The following DMD variants were observed in gnomAD, a reference collection of about 807,000 sequenced individuals.
DMD encodes dystrophin, also known as mutant dystrophin.
In DMD, 63 loss-of-function variants were observed where a neutral mutation model predicts 330.1. The observed-to-expected ratio is 0.19, with a 90% CI of 0.16 to 0.24. DMD has a LOEUF of 0.24. Among genes scored for constraint, DMD ranks in the 10% least tolerant of loss-of-function variants. The pLI is 1.00. For synonymous variants in DMD, 1,223 were observed against 959.8 expected (o/e 1.27, Z -5.07); for missense variants, 3,344 against 2,684.1 (o/e 1.25, Z -5.43).
intron 13 of DMD, among the ~76,000 whole-genome samples, chrX:32,585,729 A>G (rs1399272769): frequency 5.4e-5 from 5 of 92,610 alleles, no homozygotes; most frequent in Non-Finnish European, 8.6e-5. Context: ...AAAAAAAAAA[A>G]AGAATATTAT....
At chrX:31,611,874 A>AT (rs897024430) in intron 55 of DMD, among the ~76,000 whole-genome samples, 4 of 110,723 alleles carry the variant, frequency 3.6e-5, no homozygotes, top group South Asian at 7.7e-4. Flanking sequence ...TAGCCTTTAA[A>AT]TTTTTTTTAT....
intron 60 of DMD, 70 bp from the exon 61 acceptor site, chrX:31,348,704 C>A (rs72466564): frequency 6.0e-5 from 56 of 926,328 alleles, no homozygotes; most frequent in East Asian, 4.6e-4. Flanking sequence ...ACAATGTATC[C>A]TTTCTGATAA....
chrX:31,315,286 A>G (rs190119368), intron 62 of DMD, among the ~76,000 whole-genome samples: 15 of 112,635 alleles, frequency 1.3e-4, no homozygotes, highest in African/African-American at 4.2e-4. Context: ...AACACTCAGT[A>G]TCTAATAGAG....
chrX:32,373,032 C>T (rs927959827), intron 34 of DMD, among the ~76,000 whole-genome samples: 6 of 110,404 alleles, frequency 5.4e-5, no homozygotes, highest in Non-Finnish European at 1.1e-4. Flanking sequence ...TTCTCCCATT[C>T]TTTCTCTGTG....
chrX:32,569,666 A>C (rs2052173329), intron 15 of DMD, among the ~76,000 whole-genome samples: 1 of 111,774 alleles, frequency 8.9e-6, no homozygotes, highest in Non-Finnish European at 1.9e-5. Flanking sequence ...TAAAGGTAGC[A>C]AGTCAAACAG....
intron 57 of DMD, 23 bp from the exon 58 acceptor site, chrX:31,479,126 G>A (rs777623933): frequency 1.7e-6 from 2 of 1,209,521 alleles, no homozygotes; most frequent in South Asian, 1.8e-5. Flanking sequence ...ATGAAAAGAA[G>A]TGCTTATTTG....
chrX:32,644,922 C>A, intron 10 of DMD, 42 bp downstream of exon 10: 2 of 1,186,493 alleles, frequency 1.7e-6, no homozygotes, highest in Non-Finnish European at 2.3e-6. Flanking sequence ...GCCATTATAA[C>A]AAGTCATATG....
intron 2 of DMD, among the ~76,000 whole-genome samples, chrX:32,941,558 C>T (rs1450605799): frequency 1.8e-5 from 2 of 111,265 alleles, no homozygotes; most frequent in African/African-American, 3.3e-5. Context: ...AGCAACGGAA[C>T]GCCAAATACC....
intron 71 of DMD, 26 bp from the exon 72 acceptor site, chrX:31,173,630 C>T: frequency 8.4e-7 from 1 of 1,187,433 alleles, no homozygotes; most frequent in Non-Finnish European, 1.1e-6. Context: ...TGTGATTAGT[C>T]ACAGATACCA....
chrX:32,540,236 A>T (rs990679530), intron 17 of DMD, among the ~76,000 whole-genome samples: 1 of 111,418 alleles, frequency 9.0e-6, no homozygotes, highest in African/African-American at 3.3e-5. Flanking sequence ...ATATCACTGA[A>T]TTGCAGGAAT....
chrX:31,668,310 G>A (rs2081544971), intron 53 of DMD, among the ~76,000 whole-genome samples: 1 of 110,403 alleles, frequency 9.1e-6, no homozygotes, highest in Non-Finnish European at 1.9e-5. Context: ...TTTTGCTTTT[G>A]GTGTCATATC....
chrX:32,146,124 G>T (rs1465738493), intron 44 of DMD, among the ~76,000 whole-genome samples: 2 of 111,944 alleles, frequency 1.8e-5, no homozygotes. Flanking sequence ...TTCCTGTTTA[G>T]GACATCTCTT....
intron 7 of DMD, among the ~76,000 whole-genome samples, chrX:32,798,159 G>A (rs192420924): frequency 2.2e-4 from 25 of 111,743 alleles, no homozygotes; most frequent in Admixed American, 2.1e-3. Context: ...CCAGGCTCCC[G>A]CACACACAAA....
chrX:31,195,195 C>T (rs1393875137), intron 67 of DMD, among the ~76,000 whole-genome samples: 2 of 111,642 alleles, frequency 1.8e-5, no homozygotes, highest in Non-Finnish European at 3.8e-5. Flanking sequence ...TCTGAATCAC[C>T]CATTAAAGAT....
intron 1 of DMD, among the ~76,000 whole-genome samples, chrX:33,277,640 T>C (rs1234411276): frequency 1.8e-5 from 2 of 110,876 alleles, no homozygotes; most frequent in Non-Finnish European, 3.8e-5. Context: ...TGCTCAATCA[T>C]ATTTTGCTTC....
chrX:32,526,703 A>C (rs2046971560), intron 17 of DMD, among the ~76,000 whole-genome samples: 1 of 112,146 alleles, frequency 8.9e-6, no homozygotes, highest in African/African-American at 3.2e-5. Context: ...CAAAGGCAAA[A>C]ACACATACAA....
At chrX:33,336,380 A>G (rs1161089421) in intron 1 of DMD, among the ~76,000 whole-genome samples, 1 of 109,980 alleles carries the variant, frequency 9.1e-6, no homozygotes, top group East Asian at 2.8e-4. Flanking sequence ...TCTCAGGCAA[A>G]ACATTTCAAA....
chrX:31,622,877 T>TACACACACAC (rs1169355719), intron 55 of DMD, among the ~76,000 whole-genome samples: 2 of 70,325 alleles, frequency 2.8e-5, no homozygotes, highest in Non-Finnish European at 5.4e-5. Flanking sequence ...TATATATATA[T>TACACACACAC]ACACACACAC....
intron 60 of DMD, among the ~76,000 whole-genome samples, chrX:31,351,725 C>CAAAAAAAAA (rs3061693): frequency 9.4e-5 from 5 of 53,048 alleles, no homozygotes; most frequent in Non-Finnish European, 1.3e-4. Context: ...GACTCCATCT[C>CAAAAAAAAA]AAAAAAAAAA....
Sources: gnomAD v4.1 joint callset for allele counts (sites outside exome capture counted in the v4.1 genomes callset) on GRCh38, gnomAD v4.1.1 for gene constraint, MANE v1.5 for transcripts, NCBI Gene and HGNC (gene_info 2026-07-23, HGNC 2026-07-21) for gene names.